CCDC171: variants seen among roughly 807,000 people sequenced by gnomAD.
CCDC171 encodes the protein coiled-coil domain containing 171.
A neutral mutation model predicts 168.2 loss-of-function variants in CCDC171; 177 were observed. The observed-to-expected ratio is 1.05, with a 90% CI of 0.93 to 1.19. The LOEUF (loss-of-function observed/expected upper bound fraction) is 1.19, where lower values mean the gene tolerates loss of function less well. Among genes scored for constraint, CCDC171 ranks in the 50% most tolerant of loss-of-function variants. The pLI, the probability that CCDC171 is intolerant of heterozygous loss-of-function variation, is 0.00. For synonymous variants in CCDC171, 687 were observed against 540.8 expected (o/e 1.27, Z -3.75); for missense variants, 1,991 against 1,539.0 (o/e 1.29, Z -4.91).
chr9:15,990,887 A>G (rs944804455), intron 3 of CCDC171, among the ~76,000 whole-genome samples: 16 of 152,384 alleles, frequency 1.0e-4, no homozygotes, highest in African/African-American at 3.6e-4. Flanking sequence ...TATCCTAAAT[A>G]TATATGCACC....
At chr9:16,039,359 T>C (rs1444669594), upstream of CCDC171, among the ~76,000 whole-genome samples, 13 of 152,166 alleles carry the variant, frequency 8.5e-5, 1 homozygote, top group Admixed American at 7.9e-4. Flanking sequence ...TTGGCTACGA[T>C]TTTTTTCCTT....
chr9:15,871,922 A>G (rs1367668249), intron 23 of CCDC171, among the ~76,000 whole-genome samples: 1 of 152,036 alleles, frequency 6.6e-6, no homozygotes, highest in African/African-American at 2.4e-5. Context: ...TCATTAAAAT[A>G]AAATTATGGA....
intron 7 of CCDC171, among the ~76,000 whole-genome samples, chr9:15,625,787 C>G (rs1489239159): frequency 6.6e-6 from 1 of 152,144 alleles, no homozygotes; most frequent in Non-Finnish European, 1.5e-5. Context: ...TTAGGATTGT[C>G]TTGGCAATGC....
chr9:15,905,855 C>G (rs1469737389), intron 24 of CCDC171, among the ~76,000 whole-genome samples: 1 of 152,122 alleles, frequency 6.6e-6, no homozygotes, highest in Non-Finnish European at 1.5e-5. Flanking sequence ...CCACCAATCC[C>G]AAAGAAATAC....
At chr9:15,663,462 G>A (rs956157682) in intron 8 of CCDC171, among the ~76,000 whole-genome samples, 11 of 151,808 alleles carry the variant, frequency 7.2e-5, no homozygotes, top group Admixed American at 1.3e-4. Context: ...CCTCCTGCCT[G>A]CTTATTTTTA....
At chr9:16,102,490 G>C in the CCDC171 span, among the ~76,000 whole-genome samples, 1,060 of 90,192 alleles carry the variant, frequency 0.012, 11 homozygotes, top group Non-Finnish European at 0.019. Flanking sequence ...ACGTGTGTTG[G>C]GGGGGGGCGG....
chr9:15,908,713 A>G (rs1024350869), intron 24 of CCDC171, among the ~76,000 whole-genome samples: 4 of 152,130 alleles, frequency 2.6e-5, no homozygotes, highest in Admixed American at 1.3e-4. Context: ...TAATTGACTG[A>G]TGGTTCTGTA....
chr9:15,824,754 A>T (rs2059943685), intron 21 of CCDC171, among the ~76,000 whole-genome samples: 1 of 152,080 alleles, frequency 6.6e-6, no homozygotes, highest in African/African-American at 2.4e-5. Context: ...ACTGTTGTCC[A>T]TCCCTAGATT....
Position 15,571,724 on chromosome 9 carries a change from G to A in CCDC171, c.142G>A (p.Glu48Lys). Residue 48 changes from glutamate to lysine, a missense_variant, in exon 3 of 26, where the codon GAA becomes AAA. Physicochemically the swap from Glu to Lys is moderately conservative, Grantham distance 56. Transcript: ENST00000380701. ...LRKKLHWAKK[E>K]KLEITTKHNA... ...GAAGAAACTCCATTGGGCTAAAAAA[G>A]AAAAGTTAGAAATAACAACCAAACA... 1 of 1,589,746 alleles carries A rather than the reference G, an allele frequency of 6.3e-7. No individual in the cohort carries two copies. The highest frequency in any genetic ancestry group is 8.5e-7 in the Non-Finnish European group (1 of 1,173,924).
At chr9:15,663,488 T>G (rs2048474739) in intron 8 of CCDC171, among the ~76,000 whole-genome samples, 1 of 152,156 alleles carries the variant, frequency 6.6e-6, no homozygotes, top group Non-Finnish European at 1.5e-5. Context: ...TTCACTTATT[T>G]ACGCCAAATG....
intron 21 of CCDC171, among the ~76,000 whole-genome samples, chr9:15,814,673 AT>A (rs1441422590): frequency 6.6e-6 from 1 of 151,932 alleles, no homozygotes; most frequent in Non-Finnish European, 1.5e-5. Context: ...CACACTAGAT[AT>A]TTTTATTATA....
chr9:15,888,937 C>G (rs1589005377), intron 24 of CCDC171: 1 of 114,092 alleles, frequency 8.8e-6, no homozygotes, highest in South Asian at 3.0e-4. Flanking sequence ...GTATATGCCT[C>G]ATTTTTCTTT....
At chr9:15,582,410 C>G (rs1212327114) in intron 4 of CCDC171, among the ~76,000 whole-genome samples, 2 of 152,162 alleles carry the variant, frequency 1.3e-5, no homozygotes, top group Non-Finnish European at 2.9e-5. Flanking sequence ...TACCATTTGA[C>G]CCAGCCATCC....
intron 16 of CCDC171, among the ~76,000 whole-genome samples, chr9:15,741,984 A>T (rs1000530847): frequency 2.6e-5 from 4 of 152,180 alleles, no homozygotes; most frequent in African/African-American, 9.7e-5. Context: ...TGTTGAAAAC[A>T]CTTTTGCCTG....
intron 7 of CCDC171, among the ~76,000 whole-genome samples, chr9:15,627,818 T>C (rs1397685255): frequency 6.6e-6 from 1 of 152,182 alleles, no homozygotes; most frequent in Non-Finnish European, 1.5e-5. Flanking sequence ...GAGAGTACCG[T>C]AGATGTCTAT....
intron 24 of CCDC171, among the ~76,000 whole-genome samples, chr9:15,915,417 A>G (rs2182935): frequency 0.85 from 128,207 of 151,684 alleles, 54,309 homozygotes; most frequent in East Asian, 0.96. Context: ...TTGTCCTCAG[A>G]TAGATTATTA....
chr9:16,091,846 T>C, the CCDC171 span, among the ~76,000 whole-genome samples: 1 of 152,236 alleles, frequency 6.6e-6, no homozygotes, highest in South Asian at 2.1e-4. Flanking sequence ...AGAACATACT[T>C]CTATGCCTTT....
chr9:15,749,953 A>G (rs541131610), intron 18 of CCDC171, among the ~76,000 whole-genome samples: 87 of 152,196 alleles, frequency 5.7e-4, no homozygotes, highest in African/African-American at 2.0e-3. Flanking sequence ...CTAGCAGAAG[A>G]CAAGAAATGA....
chr9:15,654,873 TC>T (rs1272082468), intron 7 of CCDC171, among the ~76,000 whole-genome samples: 3 of 152,142 alleles, frequency 2.0e-5, no homozygotes, highest in Non-Finnish European at 4.4e-5. Context: ...TGAGTTCATG[TC>T]CTTTGTAGGG....
Sources: gnomAD v4.1 joint callset for allele counts (sites outside exome capture counted in the v4.1 genomes callset) on GRCh38, gnomAD v4.1.1 for gene constraint, MANE v1.5 for transcripts, NCBI Gene and HGNC (gene_info 2026-07-23, HGNC 2026-07-21) for gene names.